The following RERE variants were observed in gnomAD, a reference collection of about 807,000 sequenced individuals.
RERE encodes the protein arginine-glutamic acid dipeptide repeats.
A neutral mutation model predicts 146.1 loss-of-function variants in RERE; 40 were observed. The ratio of observed to expected loss-of-function variants is 0.27; its 90% CI spans 0.21 to 0.36. RERE has a LOEUF of 0.36. RERE is among the 10% of genes least tolerant of loss of function. The pLI is 1.00. For missense variants in RERE, 1,933 were observed against 2,138.7 expected, an observed-to-expected ratio of 0.90 and a Z score of 1.90; for synonymous variants, 1,003 against 866.0, an observed-to-expected ratio of 1.16 and a Z score of -2.78.
At chr1:8,416,977 G>A (rs1365430315) in intron 12 of RERE, among the ~76,000 whole-genome samples, 1 of 152,168 alleles carries the variant, frequency 6.6e-6, no homozygotes, top group East Asian at 1.9e-4. Flanking sequence ...GATAGACAAC[G>A]TTTGTAGAAG....
intron 2 of RERE, among the ~76,000 whole-genome samples, chr1:8,634,753 A>G (rs550542454): frequency 1.4e-4 from 21 of 152,180 alleles, no homozygotes; most frequent in African/African-American, 4.6e-4. Context: ...TTATTTATTT[A>G]GAGACGGAGT....
intron 8 of RERE, among the ~76,000 whole-genome samples, chr1:8,504,241 C>G (rs6669503): frequency 0.64 from 97,030 of 151,976 alleles, 31,467 homozygotes; most frequent in East Asian, 0.84. Flanking sequence ...TTTAATTCCA[C>G]ATCTAGGGAA....
At chr1:8,715,405 G>A (rs1295643205) in intron 1 of RERE, among the ~76,000 whole-genome samples, 2 of 151,820 alleles carry the variant, frequency 1.3e-5, no homozygotes, top group African/African-American at 4.8e-5. Context: ...GTGCTACTGG[G>A]GAGGCTGAGG....
chr1:8,748,057 C>T (rs142883712), intron 1 of RERE, among the ~76,000 whole-genome samples: 1 of 152,228 alleles, frequency 6.6e-6, no homozygotes, highest in East Asian at 1.9e-4. Flanking sequence ...GGATTACAAG[C>T]GTGAGCCACC....
At chr1:8,732,591 A>C (rs1210862954) in intron 1 of RERE, among the ~76,000 whole-genome samples, 1 of 151,930 alleles carries the variant, frequency 6.6e-6, no homozygotes. Context: ...TAAGCACATG[A>C]CATTTACGTT....
chr1:8,605,453 T>G (rs1250510707), intron 4 of RERE, among the ~76,000 whole-genome samples: 1 of 151,792 alleles, frequency 6.6e-6, no homozygotes, highest in Non-Finnish European at 1.5e-5. Flanking sequence ...CTTTAAGAGG[T>G]AACTAAAGGA....
At chr1:8,462,374 C>T (rs944785863) in intron 11 of RERE, among the ~76,000 whole-genome samples, 5 of 152,156 alleles carry the variant, frequency 3.3e-5, no homozygotes, top group Non-Finnish European at 1.5e-5. Flanking sequence ...GAAGTCAGCA[C>T]GAGGAGGCAG....
intron 12 of RERE, among the ~76,000 whole-genome samples, chr1:8,411,822 C>T (rs1643623303): frequency 6.6e-6 from 1 of 151,892 alleles, no homozygotes; most frequent in South Asian, 2.1e-4. Flanking sequence ...GTAGTTTGCC[C>T]CCAGTTCACT....
chr1:8,672,606 T>C (rs1254575848), intron 1 of RERE, among the ~76,000 whole-genome samples: 5 of 152,256 alleles, frequency 3.3e-5, no homozygotes, highest in Admixed American at 3.3e-4. Context: ...ATTTCTTCAC[T>C]GCAAGTGGAA....
intron 1 of RERE, among the ~76,000 whole-genome samples, chr1:8,757,626 TAA>T (rs1484628618): frequency 1.3e-5 from 2 of 151,966 alleles, no homozygotes; most frequent in Non-Finnish European, 1.5e-5. Flanking sequence ...ACATTGTAGT[TAA>T]GAGAGCTGGT....
chr1:8,730,445 C>G (rs1169439896), intron 1 of RERE, among the ~76,000 whole-genome samples: 8 of 152,154 alleles, frequency 5.3e-5, no homozygotes, highest in Non-Finnish European at 1.0e-4. Flanking sequence ...CGGGTTCACC[C>G]CATTCTCCTA....
intron 1 of RERE, among the ~76,000 whole-genome samples, chr1:8,765,759 C>G (rs1640834055): frequency 6.6e-6 from 1 of 152,210 alleles, no homozygotes; most frequent in Non-Finnish European, 1.5e-5. Flanking sequence ...CGAGACCATC[C>G]TGGCCAACAT....
At chr1:8,448,784 ACG>A (rs1184259517) in intron 11 of RERE, among the ~76,000 whole-genome samples, 4 of 151,972 alleles carry the variant, frequency 2.6e-5, no homozygotes, top group Non-Finnish European at 5.9e-5. Context: ...AGCCGAGATC[ACG>A]CCACTGCACT....
At chr1:8,735,843 TC>T (rs143327617) in intron 1 of RERE, among the ~76,000 whole-genome samples, 3,825 of 152,194 alleles carry the variant, frequency 0.025, 151 homozygotes, top group African/African-American at 0.086. Context: ...CCCTGAGGCC[TC>T]CCCAGCCTTG....
In RERE at chr1:8,527,796, CA is replaced by C. The variant is rs145454541; in HGVS notation, c.830+13417del. ...GACAGCCCTTTCTCTTGTTACCCCT[CA>C]GGGGCAGCGTACCCCAGCGGCCACA... On this transcript the variant is annotated intron_variant, in intron 7 of 22. Transcript: ENST00000400908. 3.6e-3 allele frequency among the ~76,000 whole-genome samples: 551 copies of C among 152,250 alleles called. 18 individuals carry two copies. In the East Asian group the frequency reaches 0.047, roughly 13 times the overall value.
rs548073150 is a variant in RERE, at chr1:8,613,962, A to T, written c.522+599T>A. On this transcript the variant is annotated intron_variant, in intron 4 of 22. Coordinates refer to ENST00000400908, the MANE Select transcript of RERE (RefSeq NM_001042681.2). The stretch of plus-strand genomic sequence containing the variant: ...TGTGTTTTAAGGGATAAAGCACTAC[A>T]GATACTTCATCCTGCTGCCTCTTAC... Among the ~76,000 whole-genome samples the T allele has an allele frequency of 2.6e-5, 4 of 152,286 alleles. No individual in the cohort carries two copies. The South Asian group carries it at 8.3e-4, about 32-fold the overall frequency.
At chr1:8,401,038 C>CATATATATATATATATATATATATATAT (rs59752248) in intron 12 of RERE, among the ~76,000 whole-genome samples, 2 of 57,486 alleles carry the variant, frequency 3.5e-5, no homozygotes, top group African/African-American at 5.6e-5. Flanking sequence ...AAAAAAAAAC[C>CATATATATATATATATATATATATATAT]ATATATATAT....
At chr1:8,499,192 A>G (rs1645095021) in intron 8 of RERE, among the ~76,000 whole-genome samples, 1 of 152,270 alleles carries the variant, frequency 6.6e-6, no homozygotes, top group South Asian at 2.1e-4. Context: ...CATGAGTCTG[A>G]TAGAGCTCCA....
chr1:8,579,239 C>T (rs1216360160), intron 4 of RERE, among the ~76,000 whole-genome samples: 3 of 145,798 alleles, frequency 2.1e-5, no homozygotes, highest in Non-Finnish European at 4.6e-5. Context: ...AAACAAGAAT[C>T]AAGAAAACGT....
Sources: gnomAD v4.1 joint callset for allele counts (sites outside exome capture counted in the v4.1 genomes callset) on GRCh38, gnomAD v4.1.1 for gene constraint, MANE v1.5 for transcripts, NCBI Gene and HGNC (gene_info 2026-07-23, HGNC 2026-07-21) for gene names.